PDE10A: variants seen among roughly 807,000 people sequenced by gnomAD.
PDE10A encodes the protein cAMP and cAMP-inhibited cGMP 3',5'-cyclic phosphodiesterase 10A.
Under a neutral mutation model 97.7 loss-of-function variants are expected in PDE10A, and 39 were observed. The ratio of observed to expected loss-of-function variants is 0.40; its 90% CI spans 0.31 to 0.52. The LOEUF (loss-of-function observed/expected upper bound fraction) is 0.52. PDE10A is among the 20% of genes least tolerant of loss of function. The probability of loss-of-function intolerance (pLI) is 0.56; values close to 1 mark genes in which losing one functional copy is unlikely to be tolerated. For synonymous variants in PDE10A, 371 were observed against 376.8 expected, an observed-to-expected ratio of 0.98 and a Z score of 0.18; for missense variants, 731 against 1,047.8, an observed-to-expected ratio of 0.70 and a Z score of 4.17.
rs186299198 is a variant in PDE10A, at chr6:165,348,772, C to T, written c.2784-5270G>A. ...ATGAGGTGGAGATAACTGAATCATGCGGGCAGTTTCCCCCTTCCTGTTTTG... is the reference window on the plus strand; with the variant it reads ...ATGAGGTGGAGATAACTGAATCATGTGGGCAGTTTCCCCCTTCCTGTTTTG... On this transcript the variant is annotated intron_variant, in intron 18 of 21. Transcript: ENST00000539869. 8.2e-4 allele frequency among the ~76,000 whole-genome samples: 125 copies of T among 152,266 alleles called. 1 individual carries two copies. The highest frequency in any genetic ancestry group is 6.8e-3 in the Middle Eastern group (2 of 294).
chr6:165,484,299 AGTGG>A (rs1381081365), intron 2 of PDE10A, among the ~76,000 whole-genome samples: 66 of 152,212 alleles, frequency 4.3e-4, no homozygotes, highest in African/African-American at 1.5e-3. Flanking sequence ...TATGATAGAC[AGTGG>A]CTTAGAGCAG....
At chr6:165,558,891 T>G (rs948265192) in intron 1 of PDE10A, among the ~76,000 whole-genome samples, 8 of 152,154 alleles carry the variant, frequency 5.3e-5, no homozygotes, top group African/African-American at 1.9e-4. Context: ...ACATGGCACA[T>G]GTATACATAT....
chr6:165,824,749 C>G (rs764302525), intron 1 of PDE10A, among the ~76,000 whole-genome samples: 1 of 152,020 alleles, frequency 6.6e-6, no homozygotes, highest in African/African-American at 2.4e-5. Context: ...TCAGGACAAT[C>G]TATTGTATAT....
chr6:165,344,574 G>A (rs1310185284), intron 18 of PDE10A, among the ~76,000 whole-genome samples: 3 of 152,132 alleles, frequency 2.0e-5, no homozygotes, highest in African/African-American at 4.8e-5. Context: ...CTTGACCCAG[G>A]CAGACAGCAC....
chr6:165,567,737 G>T (rs1239829313), intron 1 of PDE10A, among the ~76,000 whole-genome samples: 1 of 151,950 alleles, frequency 6.6e-6, no homozygotes, highest in African/African-American at 2.4e-5. Context: ...AGGATAATGG[G>T]GTTCGAAGAT....
intron 1 of PDE10A, among the ~76,000 whole-genome samples, chr6:165,680,073 T>C (rs1790934405): frequency 6.6e-6 from 1 of 152,048 alleles, no homozygotes; most frequent in African/African-American, 2.4e-5. Context: ...GGGGTACCCA[T>C]GTGGGTGCTA....
chr6:165,660,804 G>A (rs527277010), intron 1 of PDE10A: 1 of 152,428 alleles, frequency 6.6e-6, no homozygotes, highest in South Asian at 2.1e-4. Flanking sequence ...GGGTGCACAC[G>A]CGGTGGACGG....
intron 1 of PDE10A, among the ~76,000 whole-genome samples, chr6:165,943,345 AG>A (rs1184636893): frequency 5.0e-5 from 2 of 40,032 alleles, no homozygotes; most frequent in African/African-American, 2.1e-4. Flanking sequence ...AAGAAAGAAA[AG>A]AGAAAGAAAG....
At chr6:165,407,282 C>A (rs1162033641) in intron 13 of PDE10A, among the ~76,000 whole-genome samples, 2 of 152,166 alleles carry the variant, frequency 1.3e-5, no homozygotes, top group African/African-American at 4.8e-5. Flanking sequence ...AGCCAGCACA[C>A]TTAGCGAGCA....
chr6:165,563,037 C>T (rs1784597311), intron 1 of PDE10A, among the ~76,000 whole-genome samples: 1 of 151,938 alleles, frequency 6.6e-6, no homozygotes, highest in Non-Finnish European at 1.5e-5. Context: ...CAAGTGTTTG[C>T]TCAAATAATG....
At position 165,388,409 on chromosome 6, in the gene PDE10A, G is replaced by A; in HGVS notation, c.2499C>T (p.His833=). Residue 833 remains histidine, a synonymous_variant, in exon 17 of 22, where the codon CAC becomes CAT. Transcript: ENST00000539869. The surrounding 1 kb of genome is among the most constrained non-coding windows in gnomAD (Gnocchi z 4.0). ...GCAGGTAGCTGTTACTGAAGCCCCT[G>A]TGGTCCAGGTCATGACACAGACACG... ...LIACLCHDLD[H]RGFSNSYLQK... 1 of 1,614,112 alleles carries A rather than the reference G, an allele frequency of 6.2e-7. No homozygotes were observed. Among genetic ancestry groups the A allele is most frequent in the Non-Finnish European group, 8.5e-7 (1 of 1,179,970 alleles).
chr6:165,879,521 T>C (rs929863270), intron 1 of PDE10A, among the ~76,000 whole-genome samples: 2 of 152,200 alleles, frequency 1.3e-5, no homozygotes, highest in African/African-American at 4.8e-5. Flanking sequence ...TATGACCTCA[T>C]TTAACTTAAT....
intron 18 of PDE10A, among the ~76,000 whole-genome samples, chr6:165,366,081 G>T (rs1348721424): frequency 6.6e-6 from 1 of 152,034 alleles, no homozygotes; most frequent in Non-Finnish European, 1.5e-5. Flanking sequence ...AGAAATTAGA[G>T]AAAAACCTTC....
chr6:165,469,758 C>A (rs1269061837), intron 3 of PDE10A, among the ~76,000 whole-genome samples: 1 of 152,176 alleles, frequency 6.6e-6, no homozygotes, highest in Non-Finnish European at 1.5e-5. Context: ...TACTGGAACA[C>A]TGTATCTGTC....
intron 1 of PDE10A, among the ~76,000 whole-genome samples, chr6:165,640,851 T>C (rs951302352): frequency 1.3e-5 from 2 of 152,250 alleles, no homozygotes; most frequent in African/African-American, 4.8e-5. Flanking sequence ...TAATAAGAAG[T>C]ATGATAATTT....
chr6:165,485,105 T>C (rs540134), intron 2 of PDE10A, among the ~76,000 whole-genome samples: 44,091 of 151,786 alleles, frequency 0.29, 6,734 homozygotes, highest in African/African-American at 0.39. Flanking sequence ...GTATATGTGG[T>C]GACCAGCTAT....
chr6:165,653,566 A>C lies in PDE10A; in HGVS notation c.865+8381T>G, dbSNP rs1238802298. 3.3e-5 allele frequency among the ~76,000 whole-genome samples: 5 copies of C among 152,322 alleles called. No individual in the cohort carries two copies. The East Asian group carries it at 7.7e-4, about 24-fold the overall frequency. On this transcript the variant is annotated intron_variant, in intron 1 of 21. Coordinates refer to ENST00000539869, the MANE Select transcript of PDE10A (RefSeq NM_001385079.1). ...GAGAGCTGCAGGGCCTGAGAGCTCC[A>C]CAGGAGCGCAGAGGGACCTCCGTCT...
Position 165,371,455 on chromosome 6 carries a change from C to T in PDE10A, c.2783+7739G>A, listed in dbSNP as rs557335834. The stretch of plus-strand genomic sequence containing the variant: ...TGAGAGAATACTACAAACACCTCTA[C>T]GCAAATAAACTAGAAAATCTAGAAG... On this transcript the variant is annotated intron_variant, in intron 18 of 21. Transcript: ENST00000539869. 1.6e-3 allele frequency among the ~76,000 whole-genome samples: 240 copies of T among 152,010 alleles called. 1 individual carries two copies. Among genetic ancestry groups the T allele is most frequent in the African/African-American group, 5.2e-3 (216 of 41,482 alleles).
At chr6:165,353,522 A>T (rs1782830951) in intron 18 of PDE10A, among the ~76,000 whole-genome samples, 1 of 152,214 alleles carries the variant, frequency 6.6e-6, no homozygotes, top group Non-Finnish European at 1.5e-5. Context: ...AAATGATGGT[A>T]CATCCACACA....
Sources: allele counts gnomAD v4.1 joint callset (sites outside exome capture counted in the v4.1 genomes callset), GRCh38; gene constraint gnomAD v4.1.1; non-coding constraint Gnocchi (gnomAD v3.1); transcripts MANE v1.5; gene names NCBI Gene and HGNC (gene_info 2026-07-23, HGNC 2026-07-21).